ZNF85: variants seen among roughly 807,000 people sequenced by gnomAD.
ZNF85 encodes zinc finger protein 85 (HPF4, HTF1).
ZNF85 carries 50 observed loss-of-function variants against 53.9 expected under a neutral mutation model. The observed-to-expected ratio is 0.93, with a 90% confidence interval of 0.74 to 1.17. ZNF85 has a LOEUF of 1.17. ZNF85 is among the 50% of genes most tolerant of loss of function. ZNF85 has a pLI of 0.00. For missense variants in ZNF85, 747 were observed against 688.5 expected, an observed-to-expected ratio of 1.08 and a Z score of -0.95; for synonymous variants, 225 against 226.1, an observed-to-expected ratio of 1.00 and a Z score of 0.04.
chr19:20,950,189 AT>A lies in ZNF85; in HGVS notation c.1677del (p.His560IlefsTer27), dbSNP rs768563356. ...QSSNLTKHKR[I>X]HTGEKPYKCE... ...CTCAAACCTTACTAAACATAAGAGA[AT>A]TCATACTGGAGAAAAACCTTACAAA... is the stretch of plus-strand genomic sequence containing the variant. On this transcript the variant is annotated frameshift_variant, in exon 4 of 4. Transcript: ENST00000328178. LOFTEE classifies it high-confidence loss of function. 3 of 1,612,950 alleles carry A rather than the reference AT, an allele frequency of 1.9e-6. No homozygotes were observed. The highest frequency in any genetic ancestry group is 2.7e-5 in the African/African-American group (2 of 75,026).
At chr19:20,948,635 C>A in intron 3 of ZNF85, 109 bp from the exon 4 acceptor site, 1 of 790,052 alleles carries the variant, frequency 1.3e-6, no homozygotes, top group Non-Finnish European at 2.0e-6. Context: ...TGGTATTTTG[C>A]TGTGCCATCT....
intron 3 of ZNF85, chr19:20,944,343 T>A (rs1432697180): frequency 1.3e-5 from 2 of 151,810 alleles, no homozygotes; most frequent in Non-Finnish European, 2.9e-5. Context: ...TTTACAGGCA[T>A]GAGCCACTGC....
At chr19:20,948,115 C>T (rs1483823118) in intron 3 of ZNF85, among the ~76,000 whole-genome samples, 1 of 152,082 alleles carries the variant, frequency 6.6e-6, no homozygotes, top group Non-Finnish European at 1.5e-5. Flanking sequence ...GTTTCTCTAA[C>T]ATGTTCTTAG....
intron 3 of ZNF85, chr19:20,946,531 GTTT>G (rs1453185810): frequency 3.6e-5 from 8 of 221,560 alleles, no homozygotes; most frequent in Non-Finnish European, 6.3e-5. Flanking sequence ...GTCAATATTT[GTTT>G]TATATATTTG....
At chr19:20,934,456 C>G (rs147497610) in intron 2 of ZNF85, among the ~76,000 whole-genome samples, 1 of 151,984 alleles carries the variant, frequency 6.6e-6, no homozygotes, top group East Asian at 1.9e-4. Flanking sequence ...ATTTTTGATT[C>G]AATAGTACTG....
chr19:20,931,071 G>A (rs2082538743), intron 1 of ZNF85, among the ~76,000 whole-genome samples: 1 of 152,134 alleles, frequency 6.6e-6, no homozygotes, highest in Admixed American at 6.6e-5. Context: ...CACTGCGCCT[G>A]GCAGAGATGG....
At chr19:20,938,964 G>T (rs1434812185) in intron 3 of ZNF85, among the ~76,000 whole-genome samples, 2 of 151,824 alleles carry the variant, frequency 1.3e-5, no homozygotes, top group African/African-American at 4.8e-5. Context: ...CTTTCATTTT[G>T]TGTAAAAATG....
chr19:20,940,543 A>C (rs1457156020), intron 3 of ZNF85, among the ~76,000 whole-genome samples: 1 of 152,052 alleles, frequency 6.6e-6, no homozygotes, highest in African/African-American at 2.4e-5. Context: ...TCTCCAAAAA[A>C]AAAATAGCTT....
Position 20,949,331 on chromosome 19 carries a change from C to T in ZNF85, c.817C>T (p.Leu273Phe), listed in dbSNP as rs202102001. Residue 273 changes from leucine to phenylalanine, a missense_variant, in exon 4 of 4, where the codon CTT becomes TTT. Leu to Phe is a conservative substitution (Grantham distance 22). Transcript: ENST00000328178. ...CAAAACTTTTAACCGATTCTCAACT[C>T]TTACTACCCATAAGATAATTCATAC... ...CGKTFNRFST[L>F]TTHKIIHTGE... The T allele has an allele frequency of 6.2e-7, 1 of 1,609,012 alleles. No homozygotes were observed. The highest frequency in any genetic ancestry group is 8.5e-7 in the Non-Finnish European group (1 of 1,176,908).
At chr19:20,924,079 C>A (rs1234913529) in intron 1 of ZNF85, among the ~76,000 whole-genome samples, 1 of 139,956 alleles carries the variant, frequency 7.1e-6, no homozygotes, top group African/African-American at 2.7e-5. Flanking sequence ...GAGTGAAACT[C>A]CGTCTCAAAA....
chr19:20,939,883 G>A (rs545423299), intron 3 of ZNF85, among the ~76,000 whole-genome samples: 2 of 152,018 alleles, frequency 1.3e-5, no homozygotes, highest in East Asian at 3.9e-4. Context: ...TTTTAGTAGA[G>A]ACGGGGTTTC....
rs1398708351 is a variant in ZNF85, at chr19:20,923,284, T to C, written c.-117T>C. 2.0e-6 allele frequency: 3 copies of C among 1,526,748 alleles called. No homozygotes were observed. The highest frequency in any genetic ancestry group is 2.7e-6 in the Non-Finnish European group (3 of 1,107,090). The allele number at this position is 1,526,748 out of a possible 1,614,324, so 94.6% of individuals were successfully genotyped here. ...CTCTCGCTGCAGCCTGAGCTCTAGGTCTTGTTTTCCCTGCTTTGTGTTTTC... is the reference window on the plus strand; with the variant it reads ...CTCTCGCTGCAGCCTGAGCTCTAGGCCTTGTTTTCCCTGCTTTGTGTTTTC... On this transcript the variant is annotated 5_prime_UTR_variant, in exon 1 of 4. Transcript: ENST00000328178.
chr19:20,943,197 G>A (rs1973340355), intron 3 of ZNF85: 2 of 235,674 alleles, frequency 8.5e-6, no homozygotes, highest in Non-Finnish European at 1.6e-5. Flanking sequence ...GTTAATCCTA[G>A]TTGGTCTGTG....
chr19:20,937,730 A>T (rs1431208416), intron 3 of ZNF85, among the ~76,000 whole-genome samples: 1 of 152,130 alleles, frequency 6.6e-6, no homozygotes, highest in African/African-American at 2.4e-5. Flanking sequence ...GGGAGCTGGA[A>T]CTGAGTCATT....
chr19:20,933,838 TA>T (rs549014767), intron 1 of ZNF85, among the ~76,000 whole-genome samples, 185 bp from the exon 2 acceptor site: 5 of 152,152 alleles, frequency 3.3e-5, no homozygotes, highest in African/African-American at 1.2e-4. Context: ...ATTTCTGTGT[TA>T]AAAAAATTAT....
chr19:20,937,131 C>A (rs1392793652), intron 3 of ZNF85: 1 of 284,210 alleles, frequency 3.5e-6, no homozygotes, highest in Non-Finnish European at 7.1e-6. Flanking sequence ...CTCCTGCGTT[C>A]AAGTATTCCC....
chr19:20,943,235 A>G (rs1272211087), intron 3 of ZNF85: 1 of 184,204 alleles, frequency 5.4e-6, no homozygotes, highest in Non-Finnish European at 1.1e-5. Flanking sequence ...GTGTTCTTCA[A>G]ATCTTATGCT....
chr19:20,934,819 AT>A (rs1041773312), intron 2 of ZNF85, 129 bp from the exon 3 acceptor site: 14 of 503,832 alleles, frequency 2.8e-5, no homozygotes, highest in Non-Finnish European at 3.9e-5. Context: ...AATCAAAAAT[AT>A]TTTTTAAATA....
intron 1 of ZNF85, among the ~76,000 whole-genome samples, chr19:20,930,870 T>C (rs1256542402): frequency 1.3e-5 from 2 of 152,208 alleles, no homozygotes; most frequent in Admixed American, 6.5e-5. Context: ...CCTCCCAGGT[T>C]CAAATGATTC....
Sources: gnomAD v4.1 joint callset for allele counts (sites outside exome capture counted in the v4.1 genomes callset) on GRCh38, gnomAD v4.1.1 for gene constraint, MANE v1.5 for transcripts, NCBI Gene and HGNC (gene_info 2026-07-23, HGNC 2026-07-21) for gene names.